The following GPA33 variants were observed in gnomAD, a reference collection of about 807,000 sequenced individuals.
GPA33 encodes cell surface A33 antigen.
GPA33 carries 27 observed loss-of-function variants against 35.6 expected under a neutral mutation model. The observed-to-expected ratio is 0.76, with a 90% CI of 0.56 to 1.04. The LOEUF (loss-of-function observed/expected upper bound fraction) is 1.04. Among genes scored for constraint, GPA33 ranks in the 50% least tolerant of loss-of-function variants. The pLI, the probability that GPA33 is intolerant of heterozygous loss-of-function variation, is 0.00. For missense variants in GPA33, 428 were observed against 411.9 expected (o/e 1.04, Z -0.34); for synonymous variants, 176 against 164.0 (o/e 1.07, Z -0.56).
chr1:167,067,383 T>C (rs1406170894), intron 3 of GPA33, among the ~76,000 whole-genome samples: 2 of 152,132 alleles, frequency 1.3e-5, no homozygotes. Flanking sequence ...ATTACAGGCT[T>C]GAGCTACCGC....
At chr1:167,062,711 A>G (rs926501107) in intron 4 of GPA33, among the ~76,000 whole-genome samples, 1 of 135,656 alleles carries the variant, frequency 7.4e-6, no homozygotes, top group African/African-American at 2.7e-5. Flanking sequence ...GCCCAGTACA[A>G]AACTGGTCTC....
At chr1:167,090,180 C>T in intron 1 of GPA33, 65 bp downstream of exon 1, 1 of 1,276,596 alleles carries the variant, frequency 7.8e-7, no homozygotes. Context: ...AGAGCCTCTC[C>T]TTCAGCCCTA....
At chr1:167,067,651 A>G (rs1269815733) in intron 3 of GPA33, among the ~76,000 whole-genome samples, 1 of 152,204 alleles carries the variant, frequency 6.6e-6, no homozygotes, top group Non-Finnish European at 1.5e-5. Flanking sequence ...TATTGTTCAT[A>G]CAAAAAAATG....
In GPA33 at chr1:167,063,637, C is replaced by T. The variant is rs1666517590; in HGVS notation, c.516G>A (p.Gln172=). 1.2e-6 allele frequency: 2 copies of T among 1,613,782 alleles called. No homozygotes were observed. The highest frequency in any genetic ancestry group is 1.7e-6 in the Non-Finnish European group (2 of 1,179,992). Residue 172 remains glutamine, a synonymous_variant, in exon 4 of 7, where the codon CAG becomes CAA. Coordinates refer to ENST00000367868, the MANE Select transcript of GPA33 (RefSeq NM_005814.3). ...CQSKEGSPTP[Q]YSWKRYNILN... is the part of the protein sequence containing the mutation. ...GGATGTTGTACCTCTTCCAGCTGTA[C>T]TGAGGGGTTGGTGAGCCCTCCTTTG... is the stretch of plus-strand genomic sequence containing the variant.
intron 1 of GPA33, among the ~76,000 whole-genome samples, chr1:167,078,208 G>A (rs898760615): frequency 4.6e-5 from 7 of 152,210 alleles, no homozygotes; most frequent in Non-Finnish European, 7.3e-5. Context: ...TATTTAATAT[G>A]TGCCTAGCAT....
chr1:167,055,022 A>G lies in GPA33; in HGVS notation c.781T>C (p.Cys261Arg), dbSNP rs1235661955. The G allele has an allele frequency of 1.2e-6, 2 of 1,613,378 alleles. No homozygotes were observed. The highest frequency in any genetic ancestry group is 1.7e-6 in the Non-Finnish European group (2 of 1,179,678). ...TCAGTGTTGTCGTCCTTCCCTCGGCAGCAGCAGCAGTAGATGATGATGCCA... is the reference window on the plus strand; with the variant it reads ...TCAGTGTTGTCGTCCTTCCCTCGGCGGCAGCAGCAGTAGATGATGATGCCA... ...IIGIIIYCCC[C>R]RGKDDNTEDK... The change falls in exon 6 of 7, where the codon TGC becomes CGC. Residue 261 changes from cysteine to arginine, a missense_variant. Coordinates refer to ENST00000367868, the MANE Select transcript of GPA33 (RefSeq NM_005814.3).
intron 1 of GPA33, among the ~76,000 whole-genome samples, chr1:167,080,535 A>T (rs1298295527): frequency 6.6e-6 from 1 of 152,180 alleles, no homozygotes. Context: ...GAGCACAAAC[A>T]TTGCAGCCAA....
At chr1:167,057,669 G>T (rs1424807151) in intron 4 of GPA33, among the ~76,000 whole-genome samples, 1 of 152,172 alleles carries the variant, frequency 6.6e-6, no homozygotes, top group Non-Finnish European at 1.5e-5. Flanking sequence ...TTTCCTGCAA[G>T]ATTGCATCTC....
At chr1:167,065,979 C>T (rs897392972) in intron 3 of GPA33, among the ~76,000 whole-genome samples, 1 of 152,174 alleles carries the variant, frequency 6.6e-6, no homozygotes, top group Admixed American at 6.5e-5. Flanking sequence ...AACACCACTT[C>T]CCAGAGGACC....
chr1:167,059,992 G>A (rs1666400084), intron 4 of GPA33, among the ~76,000 whole-genome samples: 1 of 152,232 alleles, frequency 6.6e-6, no homozygotes, highest in East Asian at 1.9e-4. Context: ...GTCCATGGTG[G>A]ACTGAAATGT....
intron 1 of GPA33, among the ~76,000 whole-genome samples, chr1:167,087,272 C>G (rs1397540506): frequency 6.6e-6 from 1 of 152,114 alleles, no homozygotes; most frequent in African/African-American, 2.4e-5. Context: ...CTTACATTCC[C>G]CCACAGTAAT....
At chr1:167,075,766 C>G (rs1666811017) in intron 1 of GPA33, among the ~76,000 whole-genome samples, 1 of 152,096 alleles carries the variant, frequency 6.6e-6, no homozygotes, top group African/African-American at 2.4e-5. Flanking sequence ...TGGGACTGAA[C>G]CCTGGGACAC....
At position 167,090,296 on chromosome 1, in the gene GPA33, T is replaced by A. The variant is rs1334352903; in HGVS notation, c.-9A>T. On this transcript the variant is annotated 5_prime_UTR_variant, in exon 1 of 7. In the 5' UTR this introduces an upstream ATG that the reference lacks. Coordinates refer to ENST00000367868, the MANE Select transcript of GPA33 (RefSeq NM_005814.3). The stretch of plus-strand genomic sequence containing the variant: ...CACATCTTCCCCACCATGGTCTTGC[T>A]TCTTCTCTGCCCTAAACCTAACCTG... The A allele has an allele frequency of 6.2e-7, 1 of 1,613,032 alleles. No homozygotes were observed. The highest frequency in any genetic ancestry group is 2.2e-5 in the East Asian group (1 of 44,868).
At chr1:167,087,100 G>A (rs550924943) in intron 1 of GPA33, among the ~76,000 whole-genome samples, 4 of 152,322 alleles carry the variant, frequency 2.6e-5, no homozygotes, top group Non-Finnish European at 4.4e-5. Flanking sequence ...ACACATTGGA[G>A]CATTTTCTCT....
rs1176140826 is a variant in GPA33, at chr1:167,053,363, C to T, written c.*971G>A. On this transcript the variant is annotated 3_prime_UTR_variant, in exon 7 of 7. Transcript: ENST00000367868. ...ATACGTGGGTTTGGGTGGGAATCAT[C>T]CCTGTGTCTACGATCATCTCAAGGA... is the stretch of plus-strand genomic sequence containing the variant. The T allele has an allele frequency of 6.6e-6, 1 of 152,218 alleles. No homozygotes were observed. Among genetic ancestry groups the T allele is most frequent in the Non-Finnish European group, 1.5e-5 (1 of 68,044 alleles). 9.4% of individuals were successfully genotyped at this position (152,218 alleles called of 1,614,324 possible).
At chr1:167,055,649 C>T (rs1424481545) in intron 5 of GPA33, 81 bp downstream of exon 5, 26 of 1,495,062 alleles carry the variant, frequency 1.7e-5, no homozygotes, top group South Asian at 5.7e-5. Flanking sequence ...TTCCTCCTCA[C>T]GGTGGTCTCA....
At chr1:167,063,532 ATGTG>A (rs1164772917) in intron 4 of GPA33, 46 bp downstream of exon 4, 1 of 1,529,222 alleles carries the variant, frequency 6.5e-7, no homozygotes, top group African/African-American at 1.4e-5. Flanking sequence ...AATCAGCTGC[ATGTG>A]TTGCACTTTG....
chr1:167,068,084 A>T (rs994940827), intron 3 of GPA33, among the ~76,000 whole-genome samples: 10 of 151,972 alleles, frequency 6.6e-5, no homozygotes, highest in Admixed American at 2.6e-4. Context: ...TATTAATTAA[A>T]TTAAATTTTA....
chr1:167,076,152 C>T (rs1666819926), intron 1 of GPA33, among the ~76,000 whole-genome samples: 1 of 152,070 alleles, frequency 6.6e-6, no homozygotes, highest in Non-Finnish European at 1.5e-5. Context: ...CCCTTTTTCC[C>T]AAAATATGTG....
Sources: gnomAD v4.1 joint callset for allele counts (sites outside exome capture counted in the v4.1 genomes callset) on GRCh38, gnomAD v4.1.1 for gene constraint, MANE v1.5 for transcripts, NCBI Gene and HGNC (gene_info 2026-07-23, HGNC 2026-07-21) for gene names.